FRMPD3: variants seen among roughly 807,000 people sequenced by gnomAD.
The protein encoded by FRMPD3 is FERM and PDZ domain-containing protein 3.
Under a neutral mutation model 97.9 loss-of-function variants are expected in FRMPD3, and 42 were observed. The ratio of observed to expected loss-of-function variants is 0.43; its 90% CI spans 0.34 to 0.55. The LOEUF (loss-of-function observed/expected upper bound fraction) is 0.55, where lower values mean the gene tolerates loss of function less well. FRMPD3 is among the 20% of genes least tolerant of loss of function. The pLI is 0.03. For synonymous variants in FRMPD3, 577 were observed against 581.1 expected (o/e 0.99, Z 0.10); for missense variants, 1,303 against 1,457.7 (o/e 0.89, Z 1.73).
At chrX:107,475,409 G>A (rs964147162) in intron 1 of FRMPD3, among the ~76,000 whole-genome samples, 3 of 111,927 alleles carry the variant, frequency 2.7e-5, no homozygotes, top group African/African-American at 9.7e-5. Context: ...ATCCAAAGGG[G>A]GAAGCAATCA....
chrX:107,553,725 G>T (rs7881135), intron 7 of FRMPD3, among the ~76,000 whole-genome samples: 16,425 of 111,312 alleles, frequency 0.15, 2,606 homozygotes, highest in African/African-American at 0.47. Context: ...GAGACTCACT[G>T]GTGGGAAGGA....
At chrX:107,514,511 TTTTTCC>T (rs1382157868) in intron 1 of FRMPD3, among the ~76,000 whole-genome samples, 4 of 108,036 alleles carry the variant, frequency 3.7e-5, no homozygotes, top group Non-Finnish European at 7.6e-5. Flanking sequence ...TGAGCTTTCT[TTTTTCC>T]TTTTCCTTTT....
In FRMPD3 at chrX:107,601,259, G is replaced by A; in HGVS notation, c.3220G>A (p.Gly1074Ser). The A allele has an allele frequency of 8.3e-7, 1 of 1,209,945 alleles. No homozygotes were observed. The highest frequency in any genetic ancestry group is 1.1e-6 in the Non-Finnish European group (1 of 894,385). The change falls in exon 15 of 15, where the codon GGC becomes AGC. Residue 1074 changes from glycine to serine, a missense_variant. Around this residue, in one of 3 missense-constraint regions of FRMPD3, gnomAD observed 764 missense variants for 820.2 expected, o/e 0.93. Transcript: ENST00000683843. ...YLLRTSRESVGKQATGEVAGK... is the reference protein window; with the variant it reads ...YLLRTSRESVSKQATGEVAGK... ...TTTGCGAACAAGCCGAGAGTCAGTGGGCAAGCAAGCTACAGGGGAGGTGGC... is the reference window on the plus strand; with the variant it reads ...TTTGCGAACAAGCCGAGAGTCAGTGAGCAAGCAAGCTACAGGGGAGGTGGC...
chrX:107,576,194 G>T, intron 12 of FRMPD3, 121 bp from the exon 13 acceptor site: 1 of 729,913 alleles, frequency 1.4e-6, no homozygotes, highest in Non-Finnish European at 2.0e-6. Context: ...CTCAATTTTT[G>T]GTTCAGACAG....
Position 107,545,724 on chromosome X carries a change from G to C in FRMPD3, c.298-13G>C. 8.4e-7 allele frequency: 1 copy of C among 1,194,976 alleles called. No homozygotes were observed. Among genetic ancestry groups the C allele is most frequent in the Non-Finnish European group, 1.1e-6 (1 of 881,206 alleles). On this transcript the variant is annotated splice_polypyrimidine_tract_variant and intron_variant, in intron 4 of 14. Transcript: ENST00000683843. ...GATATGGAGAACTCACCATCTCTCT[G>C]TTCTTTTTCCAGTCCCCCAAATCTG...
Position 107,602,518 on chromosome X carries a change from C to T in FRMPD3, c.4479C>T (p.Ser1493=). ...ACAGTGAGAGCAGCAAGTGCTGCTC[C>T]ATCCGCTACTGCTTCTACTACCGCA... ...DEDSESSKCC[S]IRYCFYYRKC... is the part of the protein sequence containing the mutation. The change falls in exon 15 of 15, where the codon TCC becomes TCT. Residue 1493 remains serine (S), a synonymous_variant. Transcript: ENST00000683843. 1.7e-6 allele frequency: 2 copies of T among 1,211,290 alleles called. No individual in the cohort carries two copies. Among genetic ancestry groups the T allele is most frequent in the South Asian group, 1.8e-5 (1 of 57,049 alleles).
chrX:107,582,293 C>G (rs898332306), intron 13 of FRMPD3, among the ~76,000 whole-genome samples: 30 of 111,115 alleles, frequency 2.7e-4, no homozygotes, highest in African/African-American at 9.5e-4. Context: ...AAGCAATTCT[C>G]CTGCCTCAGC....
chrX:107,584,724 T>C (rs1923568202), intron 13 of FRMPD3, among the ~76,000 whole-genome samples: 1 of 112,285 alleles, frequency 8.9e-6, no homozygotes, highest in Non-Finnish European at 1.9e-5. Flanking sequence ...TGCTTGTTTT[T>C]ATCAGGTTCA....
intron 1 of FRMPD3, among the ~76,000 whole-genome samples, chrX:107,483,037 G>A (rs774956881): frequency 1.8e-5 from 2 of 112,015 alleles, no homozygotes; most frequent in Non-Finnish European, 3.8e-5. Flanking sequence ...GCTTTGGAAC[G>A]AATGAGTATG....
intron 1 of FRMPD3, among the ~76,000 whole-genome samples, chrX:107,497,524 A>G (rs749245474): frequency 7.1e-5 from 8 of 112,159 alleles, no homozygotes; most frequent in Non-Finnish European, 1.5e-4. Flanking sequence ...CAGGGGCCTC[A>G]TTTGCATAGA....
chrX:107,471,650 A>G (rs1352286566), intron 1 of FRMPD3, among the ~76,000 whole-genome samples: 2 of 112,068 alleles, frequency 1.8e-5, no homozygotes, highest in Non-Finnish European at 3.8e-5. Context: ...TTATGGCTGC[A>G]TAGTATTCCG....
intron 12 of FRMPD3, among the ~76,000 whole-genome samples, chrX:107,569,294 C>CAAAAAAAA (rs752263727): frequency 4.7e-5 from 1 of 21,257 alleles, no homozygotes; most frequent in African/African-American, 1.2e-4. Context: ...GACTCCATCT[C>CAAAAAAAA]AAAAAAAAAA....
intron 13 of FRMPD3, among the ~76,000 whole-genome samples, chrX:107,596,520 A>T (rs1924174783): frequency 8.9e-6 from 1 of 112,360 alleles, no homozygotes; most frequent in Non-Finnish European, 1.9e-5. Context: ...TGCTATAGAT[A>T]ATTCTCAGAT....
chrX:107,504,537 A>T (rs1184106899), intron 1 of FRMPD3, among the ~76,000 whole-genome samples: 4 of 112,054 alleles, frequency 3.6e-5, no homozygotes, highest in African/African-American at 1.3e-4. Context: ...GAAATTTGGG[A>T]AATTGTCTTG....
At chrX:107,470,552 C>G (rs1021976093) in intron 1 of FRMPD3, among the ~76,000 whole-genome samples, 1 of 112,411 alleles carries the variant, frequency 8.9e-6, no homozygotes, top group Non-Finnish European at 1.9e-5. Context: ...AAGGCAGAAG[C>G]CACAGTCTTT....
intron 1 of FRMPD3, among the ~76,000 whole-genome samples, chrX:107,470,730 GAT>G (rs1445901810): frequency 1.8e-5 from 2 of 112,343 alleles, no homozygotes; most frequent in Non-Finnish European, 3.8e-5. Context: ...ATCACAGATG[GAT>G]AAGTATTGAT....
At chrX:107,497,521 C>T (rs1921803682) in intron 1 of FRMPD3, among the ~76,000 whole-genome samples, 1 of 112,147 alleles carries the variant, frequency 8.9e-6, no homozygotes, top group African/African-American at 3.2e-5. Flanking sequence ...GCTCAGGGGC[C>T]TCATTTGCAT....
chrX:107,469,950 A>G (rs1921014271), intron 1 of FRMPD3, among the ~76,000 whole-genome samples: 1 of 112,057 alleles, frequency 8.9e-6, no homozygotes, highest in African/African-American at 3.2e-5. Flanking sequence ...GACTCACTGT[A>G]TGCAAAGTAA....
At chrX:107,572,386 G>A (rs1161338398) in intron 12 of FRMPD3, among the ~76,000 whole-genome samples, 1 of 111,929 alleles carries the variant, frequency 8.9e-6, no homozygotes, top group Admixed American at 9.5e-5. Context: ...TCCAGGTCCT[G>A]AAGGGATTTG....
Sources: allele counts gnomAD v4.1 joint callset (sites outside exome capture counted in the v4.1 genomes callset), GRCh38; gene constraint gnomAD v4.1.1; regional missense constraint gnomAD v4.1.1; transcripts MANE v1.5; gene names NCBI Gene and HGNC (gene_info 2026-07-23, HGNC 2026-07-21).